Variants in PSMA3 observed in about 807,000 individuals in gnomAD.
PSMA3 encodes proteasome subunit alpha type-3.
Under a neutral mutation model 40.0 loss-of-function variants are expected in PSMA3, and 8 were observed. That is an observed-to-expected ratio of 0.20 (90% CI 0.12 to 0.36). The LOEUF (loss-of-function observed/expected upper bound fraction) is 0.36, where lower values mean the gene tolerates loss of function less well. Ranked by LOEUF, PSMA3 falls within the 10% of genes least tolerant of loss-of-function variation. PSMA3 has a pLI of 1.00. For synonymous variants in PSMA3, 110 were observed against 100.0 expected (o/e 1.10, Z -0.59); for missense variants, 219 against 310.6 (o/e 0.70, Z 2.22).
intron 2 of PSMA3, among the ~76,000 whole-genome samples, chr14:58,249,796 G>A (rs1020621969): frequency 1.3e-5 from 2 of 152,112 alleles, no homozygotes; most frequent in Non-Finnish European, 2.9e-5. Context: ...GTGAGCCACC[G>A]CACCCAGCCG....
intron 2 of PSMA3, among the ~76,000 whole-genome samples, chr14:58,251,178 A>C (rs191312565): frequency 6.6e-6 from 1 of 152,202 alleles, no homozygotes; most frequent in South Asian, 2.1e-4. Flanking sequence ...TTTTGTCTCT[A>C]TTGTTTCCGA....
chr14:58,246,769 G>A (rs1431518612), intron 1 of PSMA3, among the ~76,000 whole-genome samples: 1 of 152,030 alleles, frequency 6.6e-6, no homozygotes, highest in East Asian at 1.9e-4. Flanking sequence ...CTCTTCTCTC[G>A]TCTAAGCTAC....
chr14:58,266,124 G>C, intron 7 of PSMA3: 1 of 151,952 alleles, frequency 6.6e-6, no homozygotes, highest in East Asian at 1.9e-4. Context: ...CAAAATATTT[G>C]AGTCCATGCC....
intron 10 of PSMA3, 106 bp from the exon 11 acceptor site, chr14:58,271,745 G>C (rs1890631811): frequency 2.7e-6 from 2 of 754,716 alleles, no homozygotes; most frequent in Non-Finnish European, 4.6e-6. Context: ...GTTACAAGTA[G>C]AGGAATTTAA....
chr14:58,244,905 C>A lies in PSMA3; in HGVS notation c.-16C>A. The stretch of plus-strand genomic sequence containing the variant: ...CCGGGCCTGGAATCCCTACGCGTCC[C>A]TTTGGGTTTAGCACGATGAGCTCAA... On this transcript the variant is annotated 5_prime_UTR_variant, in exon 1 of 11. Coordinates refer to ENST00000216455, the MANE Select transcript of PSMA3 (RefSeq NM_002788.4). 6.2e-7 allele frequency: 1 copy of A among 1,614,166 alleles called. No homozygotes were observed. Among genetic ancestry groups the A allele is most frequent in the Non-Finnish European group, 8.5e-7 (1 of 1,180,020 alleles).
At chr14:58,245,257 G>A (rs1889854324) in intron 1 of PSMA3, 1 of 388,032 alleles carries the variant, frequency 2.6e-6, no homozygotes, top group African/African-American at 2.0e-5. Flanking sequence ...GGAAACTCGT[G>A]GGGCTTGAAA....
intron 8 of PSMA3, chr14:58,268,564 A>T (rs1288416412): frequency 6.6e-6 from 1 of 152,190 alleles, no homozygotes; most frequent in Non-Finnish European, 1.5e-5. Context: ...TAATAATGGC[A>T]ACACTAGGAA....
chr14:58,265,372 A>C (rs1403160770), intron 7 of PSMA3: 6 of 152,236 alleles, frequency 3.9e-5, no homozygotes, highest in Admixed American at 3.9e-4. Context: ...AAATCAAGAA[A>C]AAAAAATCAC....
chr14:58,258,017 T>A lies in PSMA3; in HGVS notation c.404+19T>A, dbSNP rs1437773689. 1.3e-6 allele frequency: 2 copies of A among 1,579,892 alleles called. No individual in the cohort carries two copies. Among genetic ancestry groups the A allele is most frequent in the Admixed American group, 3.3e-5 (2 of 59,960 alleles). Reference sequence around the variant, plus strand: ...GCTGCAGGTAAGAAATTTTGTGAATTATTCAAAAGGCAGATCTGTACTATA... The same window carrying A: ...GCTGCAGGTAAGAAATTTTGTGAATAATTCAAAAGGCAGATCTGTACTATA... On this transcript the variant is annotated intron_variant, in intron 5 of 10. Coordinates refer to ENST00000216455, the MANE Select transcript of PSMA3 (RefSeq NM_002788.4).
At chr14:58,245,631 G>A (rs1889864308) in intron 1 of PSMA3, among the ~76,000 whole-genome samples, 1 of 152,186 alleles carries the variant, frequency 6.6e-6, no homozygotes, top group South Asian at 2.1e-4. Context: ...TTTGCAGTGG[G>A]ACTTGTTAAC....
intron 2 of PSMA3, among the ~76,000 whole-genome samples, chr14:58,249,793 A>C (rs1431028965): frequency 6.6e-6 from 1 of 152,210 alleles, no homozygotes; most frequent in Admixed American, 6.5e-5. Flanking sequence ...GGTGTGAGCC[A>C]CCGCACCCAG....
chr14:58,257,773 G>T lies in PSMA3; in HGVS notation c.257G>T (p.Arg86Leu). 1 of 1,611,544 alleles carries T rather than the reference G, an allele frequency of 6.2e-7. No individual in the cohort carries two copies. The highest frequency in any genetic ancestry group is 8.5e-7 in the Non-Finnish European group (1 of 1,178,202). Residue 86 changes from arginine to leucine, a missense_variant, in exon 4 of 11, where the codon CGT becomes CTT. Coordinates refer to ENST00000216455, the MANE Select transcript of PSMA3 (RefSeq NM_002788.4). ...GTAGCAGGTTTGTTGGCAGATGCTC[G>T]TTCTTTAGCAGACATAGCAAGAGAA... is the stretch of plus-strand genomic sequence containing the variant. The part of the protein sequence containing the change: ...MAVAGLLADA[R>L]SLADIAREEA...
At position 58,261,616 on chromosome 14, in the gene PSMA3, C is replaced by T. The variant is rs576531383; in HGVS notation, c.477+596C>T. The stretch of plus-strand genomic sequence containing the variant: ...TATTACTATAAACACTGTCTTAAAA[C>T]TGTATTTAATGTCTTTTTTCCTCAT... On this transcript the variant is annotated intron_variant, in intron 6 of 10. Coordinates refer to ENST00000216455, the MANE Select transcript of PSMA3 (RefSeq NM_002788.4). 5.3e-5 allele frequency among the ~76,000 whole-genome samples: 8 copies of T among 152,032 alleles called. No individual in the cohort carries two copies. In the East Asian group the frequency reaches 1.4e-3, roughly 26 times the overall value.
chr14:58,270,936 A>G lies in PSMA3; in HGVS notation c.661A>G (p.Thr221Ala). ...ELELSWVGEL[T>A]NGRHEIVPKD... ...TACACATGTGGCTTAATTTACAGTA[A>G]CTAATGGAAGACATGAAATTGTTCC... The change falls in exon 10 of 11, where the codon ACT (threonine) becomes GCT (alanine). Residue 221 changes from threonine to alanine, a missense_variant and splice_region_variant. Transcript: ENST00000216455. 1 of 1,601,070 alleles carries G rather than the reference A, an allele frequency of 6.2e-7. No homozygotes were observed. The highest frequency in any genetic ancestry group is 8.5e-7 in the Non-Finnish European group (1 of 1,170,656).
intron 1 of PSMA3, among the ~76,000 whole-genome samples, chr14:58,246,816 T>G (rs1889893047): frequency 6.6e-6 from 1 of 151,404 alleles, no homozygotes; most frequent in Non-Finnish European, 1.5e-5. Flanking sequence ...TTTGCTTCTG[T>G]TGTTCTCTCT....
intron 2 of PSMA3, among the ~76,000 whole-genome samples, chr14:58,251,648 A>G (rs1220627630): frequency 1.3e-5 from 2 of 152,214 alleles, no homozygotes. Flanking sequence ...ATTAGAAGCA[A>G]TATGTTTATT....
Position 58,244,949 on chromosome 14 carries a change from C to A in PSMA3, c.21+8C>A, listed in dbSNP as rs756138687. The A allele has an allele frequency of 1.2e-6, 2 of 1,614,150 alleles. No homozygotes were observed. Among genetic ancestry groups the A allele is most frequent in the Non-Finnish European group, 1.7e-6 (2 of 1,179,998 alleles). On this transcript the variant is annotated splice_region_variant and intron_variant, in intron 1 of 10. Coordinates refer to ENST00000216455, the MANE Select transcript of PSMA3 (RefSeq NM_002788.4). ...AGCTCAATCGGCACTGGGGTGAGTT[C>A]GCTGTCTGTCGGTGTAATAGTTTAA...
At chr14:58,252,074 CTTTTA>C in intron 2 of PSMA3, 40 bp from the exon 3 acceptor site, 1 of 1,544,080 alleles carries the variant, frequency 6.5e-7, no homozygotes, top group East Asian at 2.3e-5. Context: ...TATGAAGTTT[CTTTTA>C]TTTTCAGTTA....
chr14:58,245,762 A>G (rs1328598449), intron 1 of PSMA3, among the ~76,000 whole-genome samples: 1 of 152,228 alleles, frequency 6.6e-6, no homozygotes, highest in African/African-American at 2.4e-5. Context: ...CACTAGAGTT[A>G]TTGAATAATG....
Sources: gnomAD v4.1 joint callset for allele counts (sites outside exome capture counted in the v4.1 genomes callset) on GRCh38, gnomAD v4.1.1 for gene constraint, MANE v1.5 for transcripts, NCBI Gene and HGNC (gene_info 2026-07-23, HGNC 2026-07-21) for gene names.